THADA: variants seen among roughly 807,000 people sequenced by gnomAD.
THADA encodes the protein tRNA (32-2'-O)-methyltransferase regulator THADA.
THADA carries 213 observed loss-of-function variants against 219.8 expected under a neutral mutation model. The observed-to-expected ratio is 0.97, with a 90% CI of 0.87 to 1.09. THADA has a LOEUF of 1.09. Among genes scored for constraint, THADA ranks in the 50% least tolerant of loss-of-function variants. The pLI, the probability that THADA is intolerant of heterozygous loss-of-function variation, is 0.00. For synonymous variants in THADA, 1,018 were observed against 828.9 expected, an observed-to-expected ratio of 1.23 and a Z score of -3.92; for missense variants, 2,956 against 2,311.3, an observed-to-expected ratio of 1.28 and a Z score of -5.72.
chr2:43,316,404 A>G (rs1301114026), intron 31 of THADA, among the ~76,000 whole-genome samples: 1 of 152,004 alleles, frequency 6.6e-6, no homozygotes, highest in Non-Finnish European at 1.5e-5. Context: ...AATAAACAAG[A>G]AAAAAAATGA....
chr2:43,577,256 GC>G lies in THADA; in HGVS notation c.817-15del. 6.4e-7 allele frequency: 1 copy of G among 1,560,824 alleles called. No individual in the cohort carries two copies. The highest frequency in any genetic ancestry group is 8.7e-7 in the Non-Finnish European group (1 of 1,150,276). On this transcript the variant is annotated splice_polypyrimidine_tract_variant and intron_variant, in intron 9 of 37. Transcript: ENST00000405975. The stretch of plus-strand genomic sequence containing the variant: ...CACACTGCTAATCTGGAAAAATATA[GC>G]AGAGCTAACACACATAAAGCTTTTA...
intron 29 of THADA, among the ~76,000 whole-genome samples, chr2:43,390,923 T>C (rs1486599790): frequency 6.6e-6 from 1 of 152,212 alleles, no homozygotes; most frequent in African/African-American, 2.4e-5. Flanking sequence ...ACAATATTCC[T>C]TTTCCTCATC....
At chr2:43,362,154 C>G (rs1170246799) in intron 29 of THADA, among the ~76,000 whole-genome samples, 2 of 152,190 alleles carry the variant, frequency 1.3e-5, no homozygotes, top group African/African-American at 4.8e-5. Flanking sequence ...GTGAATCTGG[C>G]CAGTTTGCTT....
At position 43,344,198 on chromosome 2, in the gene THADA, C is replaced by T. The variant is rs768999434; in HGVS notation, c.4267G>A (p.Gly1423Arg). 20 of 1,612,320 alleles carry T rather than the reference C, an allele frequency of 1.2e-5. No individual in the cohort carries two copies. The highest frequency in any genetic ancestry group is 5.3e-5 in the African/African-American group (4 of 74,870). The change falls in exon 30 of 38, where the codon GGA (glycine) becomes AGA (arginine). Residue 1423 changes from glycine (G) to arginine (R), a missense_variant. Coordinates refer to ENST00000405975, the MANE Select transcript of THADA (RefSeq NM_022065.5). ...LLQAYSDSKHGTNSDFQHELT... is the reference protein window; with the variant it reads ...LLQAYSDSKHRTNSDFQHELT... ...TCGTGCTGGAAGTCTGAATTCGTTCCGTGTTTGGAGTCTGAGTAGGCTTGC... is the reference window on the plus strand; with the variant it reads ...TCGTGCTGGAAGTCTGAATTCGTTCTGTGTTTGGAGTCTGAGTAGGCTTGC...
intron 28 of THADA, among the ~76,000 whole-genome samples, chr2:43,414,278 G>A (rs1217268729): frequency 1.3e-5 from 2 of 152,170 alleles, no homozygotes; most frequent in Non-Finnish European, 2.9e-5. Flanking sequence ...ATTTTTAAGT[G>A]TACAGTTCAG....
chr2:43,386,890 T>C (rs1672755753), intron 29 of THADA, among the ~76,000 whole-genome samples: 1 of 136,002 alleles, frequency 7.4e-6, no homozygotes, highest in Non-Finnish European at 1.6e-5. Flanking sequence ...AGAGTGAGAT[T>C]TCCTCTCAAA....
chr2:43,325,543 A>G (rs528583325), intron 30 of THADA, among the ~76,000 whole-genome samples: 1 of 152,112 alleles, frequency 6.6e-6, no homozygotes, highest in Admixed American at 6.5e-5. Context: ...GAAAGAAGGA[A>G]GAAGAAAGGA....
At chr2:43,306,184 G>C (rs1676843043) in intron 31 of THADA, among the ~76,000 whole-genome samples, 1 of 151,960 alleles carries the variant, frequency 6.6e-6, no homozygotes, top group South Asian at 2.1e-4. Flanking sequence ...CTAATTTTTT[G>C]TATTTTCTGT....
At chr2:43,417,678 C>T (rs1046845794) in intron 28 of THADA, among the ~76,000 whole-genome samples, 4 of 152,202 alleles carry the variant, frequency 2.6e-5, no homozygotes, top group African/African-American at 9.7e-5. Context: ...TCATACTTCA[C>T]AGACACAGCA....
intron 31 of THADA, among the ~76,000 whole-genome samples, chr2:43,305,275 C>A (rs891361074): frequency 6.6e-6 from 1 of 152,138 alleles, no homozygotes; most frequent in Non-Finnish European, 1.5e-5. Context: ...AAGGGAAATT[C>A]CACTCTTCTA....
chr2:43,363,961 C>A (rs1669815365), intron 29 of THADA, among the ~76,000 whole-genome samples: 1 of 152,296 alleles, frequency 6.6e-6, no homozygotes, highest in South Asian at 2.1e-4. Flanking sequence ...GTGGCTCACA[C>A]CTGTAATCCC....
intron 22 of THADA, among the ~76,000 whole-genome samples, chr2:43,519,398 T>A (rs908171537): frequency 6.6e-6 from 1 of 152,170 alleles, no homozygotes; most frequent in African/African-American, 2.4e-5. Context: ...CTCAGTGCTT[T>A]AGAATGAAAA....
At chr2:43,294,537 G>A (rs762239814) in intron 31 of THADA, among the ~76,000 whole-genome samples, 2 of 152,216 alleles carry the variant, frequency 1.3e-5, no homozygotes, top group African/African-American at 2.4e-5. Flanking sequence ...TGAGGCTAGG[G>A]AAGAAATGTG....
chr2:43,369,143 T>C (rs186606865), intron 29 of THADA, among the ~76,000 whole-genome samples: 84 of 152,342 alleles, frequency 5.5e-4, no homozygotes, highest in Admixed American at 1.1e-3. Flanking sequence ...CCAAACATTG[T>C]TACTAAATTG....
At chr2:43,463,087 G>C (rs1168336931) in intron 26 of THADA, 3 of 152,128 alleles carry the variant, frequency 2.0e-5, no homozygotes, top group African/African-American at 7.2e-5. Context: ...GCTTCTCTGG[G>C]GTGAACACCA....
chr2:43,595,907 A>C (rs1172325927), intron 1 of THADA, 24 bp downstream of exon 1: 1 of 152,334 alleles, frequency 6.6e-6, no homozygotes, highest in Non-Finnish European at 1.5e-5. Context: ...CGGGTCTGGC[A>C]GGCAGGACAC....
chr2:43,536,243 C>T (rs1404646663), intron 21 of THADA, among the ~76,000 whole-genome samples: 3 of 152,118 alleles, frequency 2.0e-5, no homozygotes, highest in Admixed American at 1.3e-4. Flanking sequence ...GAGCCTTTAT[C>T]GAAAATCAGT....
At chr2:43,315,454 T>C (rs1677965549) in intron 31 of THADA, among the ~76,000 whole-genome samples, 1 of 151,766 alleles carries the variant, frequency 6.6e-6, no homozygotes, top group Middle Eastern at 3.4e-3. Context: ...GTTACATTCT[T>C]TTTTTTTCTT....
intron 28 of THADA, among the ~76,000 whole-genome samples, chr2:43,417,605 G>C (rs1013822530): frequency 6.6e-6 from 1 of 152,200 alleles, no homozygotes; most frequent in African/African-American, 2.4e-5. Flanking sequence ...AGAAAGCAAA[G>C]TAAGTCCAAA....
Sources: allele counts gnomAD v4.1 joint callset (sites outside exome capture counted in the v4.1 genomes callset), GRCh38; gene constraint gnomAD v4.1.1; transcripts MANE v1.5; gene names NCBI Gene and HGNC (gene_info 2026-07-23, HGNC 2026-07-21).